Variants in FAM149B1 observed in about 807,000 individuals in gnomAD.
The protein encoded by FAM149B1 is family with sequence similarity 149 member B1, also known as primary cilium assembly protein FAM149B1.
FAM149B1 carries 56 observed loss-of-function variants against 75.3 expected under a neutral mutation model. The ratio of observed to expected loss-of-function variants is 0.74; its 90% confidence interval spans 0.60 to 0.93. The LOEUF is 0.93. FAM149B1 is among the 40% of genes least tolerant of loss of function. The probability of loss-of-function intolerance (pLI) is 0.00; values close to 1 mark genes in which losing one functional copy is unlikely to be tolerated. For missense variants in FAM149B1, 639 were observed against 708.4 expected, an observed-to-expected ratio of 0.90 and a Z score of 1.11; for synonymous variants, 259 against 256.1, an observed-to-expected ratio of 1.01 and a Z score of -0.11.
chr10:73,212,090 C>T (rs1344171718), intron 7 of FAM149B1, among the ~76,000 whole-genome samples: 1 of 152,132 alleles, frequency 6.6e-6, no homozygotes, highest in Non-Finnish European at 1.5e-5. Context: ...GGATAATGGC[C>T]TCCAGTTCCA....
At chr10:73,212,592 T>C (rs577454410) in intron 7 of FAM149B1, among the ~76,000 whole-genome samples, 1 of 152,128 alleles carries the variant, frequency 6.6e-6, no homozygotes, top group Non-Finnish European at 1.5e-5. Context: ...ATTTTTTTGA[T>C]ATAATGATTT....
In FAM149B1 at chr10:73,210,277, C is replaced by T. The variant is rs1356378311; in HGVS notation, c.737C>T (p.Ser246Leu). The T allele has an allele frequency of 1.9e-6, 3 of 1,551,148 alleles. No homozygotes were observed. Among genetic ancestry groups the T allele is most frequent in the Non-Finnish European group, 2.6e-6 (3 of 1,146,480 alleles). Residue 246 changes from serine (S) to leucine (L), a missense_variant, in exon 7 of 14, where the codon TCA becomes TTA. By Grantham distance (145) the Ser-to-Leu change is moderately radical (BLOSUM62 -2). Transcript: ENST00000242505. ...GAAGAGGGATTTCATGGGAAGAAAT[C>T]AGAAGCAGCTACAGAGAAACAGAAA... Reference protein sequence around the residue: ...DIEEGFHGKKSEAATEKQKLG... With the variant: ...DIEEGFHGKKLEAATEKQKLG...
chr10:73,221,803 A>G (rs1406307979), intron 7 of FAM149B1, among the ~76,000 whole-genome samples: 1 of 151,974 alleles, frequency 6.6e-6, no homozygotes, highest in African/African-American at 2.4e-5. Flanking sequence ...CAGGTAACTC[A>G]TGCTTTAAAA....
At chr10:73,191,274 A>G (rs2042676868) in intron 3 of FAM149B1, among the ~76,000 whole-genome samples, 1 of 150,000 alleles carries the variant, frequency 6.7e-6, no homozygotes, top group Non-Finnish European at 1.5e-5. Flanking sequence ...TCCTGACTTC[A>G]GGATCTCCCG....
intron 7 of FAM149B1, among the ~76,000 whole-genome samples, chr10:73,224,036 T>C (rs1473883162): frequency 1.3e-5 from 2 of 152,234 alleles, no homozygotes; most frequent in African/African-American, 4.8e-5. Flanking sequence ...AAGATTATTT[T>C]ATTGTATTGT....
intron 3 of FAM149B1, chr10:73,192,199 CTTTTTTT>C (rs35023018): frequency 8.9e-6 from 1 of 112,350 alleles, no homozygotes; most frequent in Non-Finnish European, 1.6e-5. Context: ...CACGCCTGGC[CTTTTTTT>C]TTTTTTTTTT....
intron 3 of FAM149B1, among the ~76,000 whole-genome samples, chr10:73,189,018 AC>A (rs2042613729): frequency 6.6e-6 from 1 of 152,022 alleles, no homozygotes; most frequent in African/African-American, 2.4e-5. Context: ...ACAAAGTGAG[AC>A]CCCCATCTCT....
chr10:73,170,955 GT>G (rs1843684151), intron 1 of FAM149B1, among the ~76,000 whole-genome samples: 1 of 151,566 alleles, frequency 6.6e-6, no homozygotes, highest in Non-Finnish European at 1.5e-5. Context: ...AACTAGTATA[GT>G]TGTATCAGTT....
chr10:73,205,284 G>A (rs2043030009), intron 5 of FAM149B1, among the ~76,000 whole-genome samples: 1 of 151,928 alleles, frequency 6.6e-6, no homozygotes, highest in South Asian at 2.1e-4. Context: ...CTTTGCAATA[G>A]TGAATGAGTT....
intron 5 of FAM149B1, among the ~76,000 whole-genome samples, chr10:73,208,068 A>G (rs1186528386): frequency 6.6e-6 from 1 of 152,190 alleles, no homozygotes; most frequent in Non-Finnish European, 1.5e-5. Flanking sequence ...CCAATGCTAG[A>G]GGTGGGGCCT....
In FAM149B1 at chr10:73,178,975, G is replaced by GT. The variant is rs1020362766; in HGVS notation, c.282+1008dup. On this transcript the variant is annotated intron_variant, in intron 3 of 13. Coordinates refer to ENST00000242505, the MANE Select transcript of FAM149B1 (RefSeq NM_173348.2). ...TAGACATTTTTATTTCTTGTTTTTTGTTTTTTTTGGAACGGAGTCTCGCTC... is the reference window on the plus strand; with the variant it reads ...TAGACATTTTTATTTCTTGTTTTTTGTTTTTTTTTGGAACGGAGTCTCGCTC... Among the ~76,000 whole-genome samples, 145 of 150,782 alleles carry GT rather than the reference G, an allele frequency of 9.6e-4. 1 individual carries two copies. The highest frequency in any genetic ancestry group is 5.7e-3 in the South Asian group (27 of 4,752).
intron 1 of FAM149B1, among the ~76,000 whole-genome samples, chr10:73,173,642 T>C (rs1333405043): frequency 6.6e-6 from 1 of 152,144 alleles, no homozygotes; most frequent in African/African-American, 2.4e-5. Flanking sequence ...AACTTTTGAC[T>C]CCCCAGAACT....
intron 7 of FAM149B1, among the ~76,000 whole-genome samples, chr10:73,215,762 G>A (rs756898198): frequency 2.0e-5 from 3 of 152,070 alleles, no homozygotes; most frequent in Non-Finnish European, 4.4e-5. Flanking sequence ...TTCCACTGTG[G>A]TCTGAGAAGA....
chr10:73,174,427 AC>A (rs1350849177), intron 1 of FAM149B1, among the ~76,000 whole-genome samples: 2 of 147,820 alleles, frequency 1.4e-5, no homozygotes, highest in African/African-American at 5.3e-5. Context: ...ATATATTTTA[AC>A]AACCCAATAT....
At chr10:73,207,915 T>C (rs555641377) in intron 5 of FAM149B1, among the ~76,000 whole-genome samples, 1 of 152,382 alleles carries the variant, frequency 6.6e-6, no homozygotes, top group East Asian at 1.9e-4. Flanking sequence ...CGTGGGACTT[T>C]GGACTTTTGA....
In FAM149B1 at chr10:73,240,986, C is replaced by T; in HGVS notation, c.1716C>T (p.Gly572=). The T allele has an allele frequency of 6.6e-7, 1 of 1,520,850 alleles. No individual in the cohort carries two copies. Among genetic ancestry groups the T allele is most frequent in the African/African-American group, 1.9e-5 (1 of 51,344 alleles). 94.2% of individuals were successfully genotyped at this position (1,520,850 alleles called of 1,614,324 possible). ...LHGSTKSQSG[G]RPVSRTRQGP is the part of the protein sequence containing the mutation. Reference sequence around the variant, plus strand: ...GGTCTACAAAATCTCAAAGCGGAGGCAGACCAGTCTCTCGAACCAGGCAGG... The same window carrying T: ...GGTCTACAAAATCTCAAAGCGGAGGTAGACCAGTCTCTCGAACCAGGCAGG... Residue 572 remains glycine (G), a synonymous_variant, in exon 14 of 14, where the codon GGC becomes GGT. Transcript: ENST00000242505.
chr10:73,224,471 C>CT (rs1178386006), intron 7 of FAM149B1, among the ~76,000 whole-genome samples: 9,527 of 135,390 alleles, frequency 0.07, 595 homozygotes, highest in African/African-American at 0.15. Context: ...ATTATTACAA[C>CT]TTTTTTTTTT....
intron 2 of FAM149B1, among the ~76,000 whole-genome samples, chr10:73,176,457 G>A (rs539635712): frequency 2.6e-5 from 4 of 152,310 alleles, no homozygotes; most frequent in South Asian, 2.1e-4. Context: ...AACTTGGCAC[G>A]ATGCTTGGCA....
At chr10:73,209,245 T>C (rs2043133475) in intron 6 of FAM149B1, among the ~76,000 whole-genome samples, 1 of 152,202 alleles carries the variant, frequency 6.6e-6, no homozygotes, top group Non-Finnish European at 1.5e-5. Flanking sequence ...GGTCAGGAGT[T>C]TGAGACTAGC....
Sources: gnomAD v4.1 joint callset for allele counts (sites outside exome capture counted in the v4.1 genomes callset) on GRCh38, gnomAD v4.1.1 for gene constraint, MANE v1.5 for transcripts, NCBI Gene and HGNC (gene_info 2026-07-23, HGNC 2026-07-21) for gene names.